Variants in MTRF1 observed in about 807,000 individuals in gnomAD.
The protein encoded by MTRF1 is mitochondrial translation release factor 1, also known as peptide chain release factor 1, mitochondrial.
A neutral mutation model predicts 62.9 loss-of-function variants in MTRF1; 51 were observed. The observed-to-expected ratio is 0.81, with a 90% CI of 0.65 to 1.02. The LOEUF (loss-of-function observed/expected upper bound fraction) is 1.02, where lower values mean the gene tolerates loss of function less well. Ranked by LOEUF, MTRF1 falls within the 50% of genes least tolerant of loss-of-function variation. The pLI is 0.00. For missense variants in MTRF1, 446 were observed against 530.0 expected, an observed-to-expected ratio of 0.84 and a Z score of 1.56; for synonymous variants, 158 against 181.9, an observed-to-expected ratio of 0.87 and a Z score of 1.06.
At chr13:41,268,256 T>A (rs1009223340), upstream of MTRF1, among the ~76,000 whole-genome samples, 1 of 152,222 alleles carries the variant, frequency 6.6e-6, no homozygotes, top group Admixed American at 6.5e-5. Flanking sequence ...TTGACAATGC[T>A]TCCTGTGTAA....
At chr13:41,284,193 T>G in the MTRF1 span, among the ~76,000 whole-genome samples, 1 of 151,170 alleles carries the variant, frequency 6.6e-6, no homozygotes, top group Non-Finnish European at 1.5e-5. Flanking sequence ...AAATTAAAAG[T>G]TAGCTGATTA....
chr13:41,271,591 G>A, the MTRF1 span, among the ~76,000 whole-genome samples: 4 of 152,016 alleles, frequency 2.6e-5, no homozygotes, highest in East Asian at 1.9e-4. Flanking sequence ...TAAGATCTCC[G>A]AGAGGGCTTA....
chr13:41,219,197 T>C (rs866305246), intron 9 of MTRF1, among the ~76,000 whole-genome samples: 10 of 150,878 alleles, frequency 6.6e-5, no homozygotes, highest in Admixed American at 2.0e-4. Context: ...AGGCTGAGGC[T>C]GGAGAATTGC....
At chr13:41,247,143 C>T (rs73179135) in intron 5 of MTRF1, among the ~76,000 whole-genome samples, 7,784 of 152,260 alleles carry the variant, frequency 0.051, 261 homozygotes, top group Non-Finnish European at 0.079. Flanking sequence ...CAGAACATTT[C>T]GTACAGTGTT....
At chr13:41,234,204 G>T (rs73179117) in intron 6 of MTRF1, among the ~76,000 whole-genome samples, 197 bp from the exon 7 acceptor site, 7,138 of 152,200 alleles carry the variant, frequency 0.047, 232 homozygotes, top group Non-Finnish European at 0.076. Flanking sequence ...TTGAGACAGG[G>T]TCTCCCTCTG....
intron 9 of MTRF1, among the ~76,000 whole-genome samples, chr13:41,217,590 C>T (rs762810636): frequency 3.0e-4 from 46 of 151,978 alleles, no homozygotes; most frequent in Non-Finnish European, 5.6e-4. Context: ...TTTAGGAGAA[C>T]GGGTTTGCTG....
chr13:41,273,065 G>A, the MTRF1 span, among the ~76,000 whole-genome samples: 74 of 152,250 alleles, frequency 4.9e-4, no homozygotes, highest in Non-Finnish European at 9.4e-4. Context: ...GGTGGCTCAC[G>A]TCTGTAATCC....
the MTRF1 span, among the ~76,000 whole-genome samples, chr13:41,271,490 A>G: frequency 6.6e-6 from 1 of 152,004 alleles, no homozygotes; most frequent in African/African-American, 2.4e-5. Context: ...TAGTGGATCG[A>G]TGTGTGCTGC....
At position 41,260,829 on chromosome 13, in the gene MTRF1, A is replaced by G. The variant is rs1566185699; in HGVS notation, c.79T>C (p.Ser27Pro). 5 of 1,614,182 alleles carry G rather than the reference A, an allele frequency of 3.1e-6. No individual in the cohort carries two copies. The highest frequency in any genetic ancestry group is 3.4e-6 in the Non-Finnish European group (4 of 1,180,006). Residue 27 changes from serine to proline, a missense_variant, in exon 2 of 10, where the codon TCT becomes CCT. Ser to Pro is a moderately conservative substitution (Grantham distance 74). Transcript: ENST00000379480. ...GYLQCHIQLH[S>P]HQFRQIHLDT... ...AGATGTATCTGTCTAAATTGATGAGAATGGAGCTGGATGTGACACTGGAGG... is the reference window on the plus strand; with the variant it reads ...AGATGTATCTGTCTAAATTGATGAGGATGGAGCTGGATGTGACACTGGAGG...
At position 41,216,684 on chromosome 13, in the gene MTRF1, A is replaced by G. The variant is rs901955879; in HGVS notation, c.*431T>C. ...AGGCATAAGCATCCACTATAGGCCA[A>G]GGTACTTTGTATTTAAATAAAAGGT... On this transcript the variant is annotated 3_prime_UTR_variant, in exon 10 of 10. Transcript: ENST00000379480. 1 of 152,586 alleles carries G rather than the reference A, an allele frequency of 6.6e-6. No homozygotes were observed. The highest frequency in any genetic ancestry group is 6.5e-5 in the Admixed American group (1 of 15,274). 9.5% of individuals were successfully genotyped at this position (152,586 alleles called of 1,614,324 possible). A position where few individuals can be genotyped will look rare whatever the true frequency, so the allele number is the denominator to read the frequency against.
At chr13:41,253,414 G>A (rs2039328670) in intron 3 of MTRF1, among the ~76,000 whole-genome samples, 1 of 152,158 alleles carries the variant, frequency 6.6e-6, no homozygotes, top group African/African-American at 2.4e-5. Context: ...TTCACTTTGA[G>A]AAATGATTTC....
chr13:41,274,165 C>G, the MTRF1 span, among the ~76,000 whole-genome samples: 1 of 152,176 alleles, frequency 6.6e-6, no homozygotes. Context: ...AATGGGAATA[C>G]ACACAAACCT....
the MTRF1 span, among the ~76,000 whole-genome samples, chr13:41,285,139 G>A: frequency 6.6e-6 from 1 of 152,174 alleles, no homozygotes; most frequent in Non-Finnish European, 1.5e-5. Context: ...TTTACTTATT[G>A]TCTGGCATGT....
chr13:41,269,653 T>G, the MTRF1 span, among the ~76,000 whole-genome samples: 1 of 152,032 alleles, frequency 6.6e-6, no homozygotes, highest in Admixed American at 6.5e-5. Flanking sequence ...ATTATTTAAT[T>G]TAATATAATT....
intron 5 of MTRF1, among the ~76,000 whole-genome samples, chr13:41,249,289 C>A (rs531907348): frequency 1.3e-5 from 2 of 152,264 alleles, no homozygotes; most frequent in East Asian, 3.9e-4. Context: ...CGCCTGTAAT[C>A]CCAGTACTTT....
At chr13:41,284,075 T>TTTTTTTTTTTTTTG in the MTRF1 span, among the ~76,000 whole-genome samples, 1 of 151,188 alleles carries the variant, frequency 6.6e-6, no homozygotes, top group Non-Finnish European at 1.5e-5. Context: ...TATAAACCTT[T>TTTTTTTTTTTTTTG]ACCTTAATTC....
the MTRF1 span, among the ~76,000 whole-genome samples, chr13:41,301,637 A>G: frequency 6.6e-6 from 1 of 152,054 alleles, no homozygotes; most frequent in Non-Finnish European, 1.5e-5. Context: ...AATCCCAGCT[A>G]CTTGGGAGGC....
chr13:41,275,350 G>A, the MTRF1 span, among the ~76,000 whole-genome samples: 36 of 151,772 alleles, frequency 2.4e-4, no homozygotes, highest in African/African-American at 8.5e-4. Context: ...ACATGCACCC[G>A]CCACCATGCC....
intron 5 of MTRF1, among the ~76,000 whole-genome samples, chr13:41,247,458 C>T (rs1387908327): frequency 6.6e-6 from 1 of 152,204 alleles, no homozygotes; most frequent in Non-Finnish European, 1.5e-5. Context: ...GATGAAACCA[C>T]ATCTGGTATA....
Sources: gnomAD v4.1 joint callset for allele counts (sites outside exome capture counted in the v4.1 genomes callset) on GRCh38, gnomAD v4.1.1 for gene constraint, MANE v1.5 for transcripts, NCBI Gene and HGNC (gene_info 2026-07-23, HGNC 2026-07-21) for gene names.